The following PLCE1 variants were observed in gnomAD, a reference collection of about 807,000 sequenced individuals.
PLCE1 encodes the protein phospholipase C epsilon 1, also known as 1-phosphatidylinositol 4,5-bisphosphate phosphodiesterase epsilon-1.
In PLCE1, 119 loss-of-function variants were observed where a neutral mutation model predicts 242.8. The ratio of observed to expected loss-of-function variants is 0.49; its 90% CI spans 0.42 to 0.57. PLCE1 has a LOEUF of 0.57. Among genes scored for constraint, PLCE1 ranks in the 20% least tolerant of loss-of-function variants. The pLI, the probability that PLCE1 is intolerant of heterozygous loss-of-function variation, is 0.00. For synonymous variants in PLCE1, 945 were observed against 1,017.4 expected (o/e 0.93, Z 1.35); for missense variants, 2,441 against 2,788.8 (o/e 0.88, Z 2.81).
At chr10:94,161,500 G>A (rs1277973428) in intron 3 of PLCE1, among the ~76,000 whole-genome samples, 1 of 152,200 alleles carries the variant, frequency 6.6e-6, no homozygotes, top group Non-Finnish European at 1.5e-5. Context: ...TTTGCACGTT[G>A]ATTTTGTATC....
At chr10:94,042,728 C>G (rs1228739983) in intron 2 of PLCE1, among the ~76,000 whole-genome samples, 1 of 152,070 alleles carries the variant, frequency 6.6e-6, no homozygotes, top group Non-Finnish European at 1.5e-5. Flanking sequence ...ATGACTCAGC[C>G]TGCTAGGAGG....
chr10:94,049,065 G>A (rs2043689323), intron 2 of PLCE1, among the ~76,000 whole-genome samples: 1 of 152,010 alleles, frequency 6.6e-6, no homozygotes, highest in Non-Finnish European at 1.5e-5. Flanking sequence ...TGCCTGGCCA[G>A]ATATATTCTT....
intron 3 of PLCE1, among the ~76,000 whole-genome samples, chr10:94,148,526 G>T (rs2047181995): frequency 6.6e-6 from 1 of 152,182 alleles, no homozygotes. Flanking sequence ...GTTCTCACCT[G>T]CCCTAGAAGG....
intron 19 of PLCE1, among the ~76,000 whole-genome samples, chr10:94,274,059 C>A (rs2051850486): frequency 1.3e-5 from 2 of 152,174 alleles, no homozygotes; most frequent in Non-Finnish European, 2.9e-5. Flanking sequence ...TAGGGAGAGT[C>A]CCCTTAGGGG....
At chr10:94,107,744 C>G (rs1028825105) in intron 2 of PLCE1, 4 of 151,972 alleles carry the variant, frequency 2.6e-5, no homozygotes, top group African/African-American at 9.7e-5. Flanking sequence ...TATGTACAGC[C>G]CTGTAGTCCA....
chr10:94,160,188 C>T (rs543846217), intron 3 of PLCE1, among the ~76,000 whole-genome samples: 14 of 152,256 alleles, frequency 9.2e-5, no homozygotes, highest in Admixed American at 8.5e-4. Flanking sequence ...CCTGAGGAAT[C>T]GCCACACTAA....
intron 4 of PLCE1, among the ~76,000 whole-genome samples, chr10:94,218,947 T>C (rs1218977704): frequency 3.4e-5 from 5 of 147,434 alleles, no homozygotes; most frequent in Non-Finnish European, 7.5e-5. Context: ...TATATTATTA[T>C]ATAATTAAAT....
chr10:94,053,591 C>T (rs1184047543), intron 2 of PLCE1, among the ~76,000 whole-genome samples: 1 of 152,196 alleles, frequency 6.6e-6, no homozygotes, highest in Non-Finnish European at 1.5e-5. Context: ...GAAGGCCTTG[C>T]ACTTAGCAGG....
intron 3 of PLCE1, among the ~76,000 whole-genome samples, chr10:94,161,936 C>G (rs1366818890): frequency 6.6e-6 from 1 of 152,152 alleles, no homozygotes; most frequent in Non-Finnish European, 1.5e-5. Context: ...GTCATTGGTT[C>G]TGTTTATATG....
chr10:94,222,046 C>G (rs994850680), intron 4 of PLCE1, among the ~76,000 whole-genome samples: 2 of 152,160 alleles, frequency 1.3e-5, no homozygotes, highest in Admixed American at 1.3e-4. Context: ...TCTGGATGGC[C>G]TGCCTGTCTG....
chr10:94,029,092 C>T (rs1295160465), intron 1 of PLCE1, among the ~76,000 whole-genome samples: 4 of 151,890 alleles, frequency 2.6e-5, no homozygotes, highest in African/African-American at 7.3e-5. Context: ...GACTCTGTCT[C>T]AAAATTATGA....
At chr10:94,173,917 A>T (rs1269872888) in intron 4 of PLCE1, among the ~76,000 whole-genome samples, 1 of 152,244 alleles carries the variant, frequency 6.6e-6, no homozygotes, top group African/African-American at 2.4e-5. Flanking sequence ...ACACGACTGG[A>T]ATAGCTAAAT....
chr10:94,081,963 A>T (rs1328350729), intron 2 of PLCE1: 1 of 152,244 alleles, frequency 6.6e-6, no homozygotes, highest in Non-Finnish European at 1.5e-5. Flanking sequence ...AAGAAAACTA[A>T]TAGACTTTGT....
intron 3 of PLCE1, among the ~76,000 whole-genome samples, chr10:94,167,216 G>A (rs772850888): frequency 1.3e-5 from 2 of 152,172 alleles, no homozygotes; most frequent in African/African-American, 2.4e-5. Context: ...GCTTGAACCC[G>A]GGAGGCGGCG....
intron 2 of PLCE1, among the ~76,000 whole-genome samples, chr10:94,049,574 A>G (rs1018816957): frequency 6.6e-6 from 1 of 151,246 alleles, no homozygotes; most frequent in African/African-American, 2.4e-5. Flanking sequence ...CCCTTTAGTT[A>G]CCCTGTCTGT....
At chr10:94,175,507 A>T (rs927634505) in intron 4 of PLCE1, among the ~76,000 whole-genome samples, 7 of 152,192 alleles carry the variant, frequency 4.6e-5, no homozygotes, top group Non-Finnish European at 1.0e-4. Context: ...ACAATGTGTT[A>T]TTACATCAGA....
chr10:94,027,492 A>G (rs1426905933), intron 1 of PLCE1, among the ~76,000 whole-genome samples: 1 of 152,194 alleles, frequency 6.6e-6, no homozygotes, highest in African/African-American at 2.4e-5. Context: ...ATGTCTGTGT[A>G]TATCCTCAGC....
chr10:94,130,962 C>A (rs2046582922), intron 2 of PLCE1, among the ~76,000 whole-genome samples: 1 of 152,226 alleles, frequency 6.6e-6, no homozygotes, highest in Admixed American at 6.5e-5. Flanking sequence ...CATTTCCACC[C>A]TACTCTAAGC....
At chr10:93,996,297 G>A (rs1241311964) in intron 1 of PLCE1, among the ~76,000 whole-genome samples, 1 of 152,262 alleles carries the variant, frequency 6.6e-6, no homozygotes, top group Non-Finnish European at 1.5e-5. Flanking sequence ...GCCAAAAACA[G>A]TAGAAGCAGC....
Sources: allele counts gnomAD v4.1 joint callset (sites outside exome capture counted in the v4.1 genomes callset), GRCh38; gene constraint gnomAD v4.1.1; transcripts MANE v1.5; gene names NCBI Gene and HGNC (gene_info 2026-07-23, HGNC 2026-07-21).